Variants in AKT3 observed in about 807,000 individuals in gnomAD.
AKT3 encodes RAC-gamma serine/threonine-protein kinase.
A neutral mutation model predicts 65.3 loss-of-function variants in AKT3; 15 were observed. The observed-to-expected ratio is 0.23, with a 90% CI of 0.15 to 0.35. AKT3 has a LOEUF of 0.35. Ranked by LOEUF, AKT3 falls within the 10% of genes least tolerant of loss-of-function variation. The pLI is 1.00. For missense variants in AKT3, 243 were observed against 576.5 expected, an observed-to-expected ratio of 0.42 and a Z score of 5.92; for synonymous variants, 206 against 183.8, an observed-to-expected ratio of 1.12 and a Z score of -0.98.
At chr1:243,497,740 A>G (rs989784259), downstream of AKT3, among the ~76,000 whole-genome samples, 2 of 152,112 alleles carry the variant, frequency 1.3e-5, no homozygotes, top group African/African-American at 4.8e-5. Flanking sequence ...TGTGTTCTCT[A>G]CCCAAAATTC....
chr1:243,848,904 T>A (rs1443794310), intron 1 of AKT3, among the ~76,000 whole-genome samples: 1 of 152,254 alleles, frequency 6.6e-6, no homozygotes, highest in Non-Finnish European at 1.5e-5. Flanking sequence ...TTTATTTTCA[T>A]AACAACATTA....
At chr1:243,607,812 C>T (rs957306253) in intron 8 of AKT3, among the ~76,000 whole-genome samples, 58 of 152,026 alleles carry the variant, frequency 3.8e-4, no homozygotes, top group African/African-American at 1.2e-3. Context: ...GGCCCTGGTG[C>T]GTAATTTAAT....
At chr1:243,612,812 A>C (rs1273961352) in intron 8 of AKT3, 7 of 151,902 alleles carry the variant, frequency 4.6e-5, no homozygotes, top group African/African-American at 1.7e-4. Context: ...AGGCTGAGGC[A>C]GATGGATCAC....
chr1:243,744,688 G>A (rs1057389204), intron 2 of AKT3, among the ~76,000 whole-genome samples: 8 of 147,088 alleles, frequency 5.4e-5, no homozygotes, highest in Admixed American at 2.1e-4. Flanking sequence ...GCAGTGAGCC[G>A]AGATCGCGCC....
intron 9 of AKT3, among the ~76,000 whole-genome samples, chr1:243,566,510 A>G (rs1369667842): frequency 6.6e-6 from 1 of 152,190 alleles, no homozygotes; most frequent in African/African-American, 2.4e-5. Flanking sequence ...CTAAGGGATG[A>G]CTGAGAGAGA....
intron 13 of AKT3, among the ~76,000 whole-genome samples, chr1:243,493,474 T>C (rs1667068364): frequency 6.6e-6 from 1 of 152,140 alleles, no homozygotes; most frequent in South Asian, 2.1e-4. Context: ...ATTTTCTGTG[T>C]CTGCTTTCTT....
chr1:243,664,266 G>A (rs1485321203), intron 4 of AKT3, among the ~76,000 whole-genome samples: 4 of 138,352 alleles, frequency 2.9e-5, no homozygotes, highest in Admixed American at 7.8e-5. Context: ...GCGCAATCTC[G>A]GCTCACTGCA....
intron 8 of AKT3, among the ~76,000 whole-genome samples, chr1:243,578,636 A>T (rs747942831): frequency 2.6e-5 from 4 of 152,116 alleles, no homozygotes; most frequent in Non-Finnish European, 4.4e-5. Context: ...CATGGCACAC[A>T]TTTACCTATG....
chr1:243,838,334 A>C (rs1030833265), intron 2 of AKT3, among the ~76,000 whole-genome samples: 2 of 152,098 alleles, frequency 1.3e-5, no homozygotes, highest in Non-Finnish European at 2.9e-5. Flanking sequence ...GAGCTTCTCT[A>C]ATGTACCATG....
At chr1:243,635,134 T>C (rs1679884949) in intron 6 of AKT3, among the ~76,000 whole-genome samples, 2 of 151,784 alleles carry the variant, frequency 1.3e-5, no homozygotes, top group African/African-American at 4.8e-5. Flanking sequence ...AACTACAACA[T>C]GAAGTTAGAA....
chr1:243,640,514 CTT>C (rs773911873), intron 5 of AKT3, among the ~76,000 whole-genome samples: 5 of 152,196 alleles, frequency 3.3e-5, no homozygotes, highest in South Asian at 2.1e-4. Flanking sequence ...CGTTCTCTCT[CTT>C]GGAAAGCTCT....
intron 6 of AKT3, among the ~76,000 whole-genome samples, chr1:243,616,434 A>C (rs1678326262): frequency 6.6e-6 from 1 of 152,122 alleles, no homozygotes; most frequent in South Asian, 2.1e-4. Context: ...CATAAATCTC[A>C]TATTGATATC....
At chr1:243,523,270 C>A (rs1344806534) in intron 12 of AKT3, among the ~76,000 whole-genome samples, 2 of 148,668 alleles carry the variant, frequency 1.3e-5, no homozygotes, top group Non-Finnish European at 3.0e-5. Context: ...AACACACACA[C>A]ACACACACAC....
At chr1:243,828,607 C>G (rs1421253096) in intron 2 of AKT3, among the ~76,000 whole-genome samples, 1 of 152,132 alleles carries the variant, frequency 6.6e-6, no homozygotes, top group Admixed American at 6.5e-5. Context: ...GATCCACTTC[C>G]CCTTGATGAA....
downstream of AKT3, among the ~76,000 whole-genome samples, chr1:243,496,363 GCAGGGGCTGCCCTGGAGCTCTGTCAACT>G (rs1667887892): frequency 6.6e-6 from 1 of 152,222 alleles, no homozygotes; most frequent in South Asian, 2.1e-4. Context: ...ACCAAGCGAG[GCAGGGGCTGCCCTGGAGCTCTGTCAACT>G]CAGGGCCAGC....
Position 243,563,795 on chromosome 1 carries a change from T to A in AKT3, c.873A>T (p.Gly291=), listed in dbSNP as rs146644658. 1.9e-6 allele frequency: 3 copies of A among 1,613,020 alleles called. No homozygotes were observed. Among genetic ancestry groups the A allele is most frequent in the Non-Finnish European group, 2.5e-6 (3 of 1,179,604 alleles). The change falls in exon 10 of 14, where the codon GGA becomes GGT. Residue 291 remains glycine (G), a synonymous_variant. Transcript: ENST00000673466. The stretch of plus-strand genomic sequence containing the variant: ...CATCTGTGATCCCTTCTTTGCAAAG[T>A]CCAAAATCTGTAATTTTTATGTGGC... The part of the protein sequence containing the change: ...KDGHIKITDF[G]LCKEGITDAA...
In AKT3 at chr1:243,812,912, C is replaced by T. The variant is rs961870139; in HGVS notation, c.46+30213G>A. The stretch of plus-strand genomic sequence containing the variant: ...GAAACCATCATTCTCAGCAAACTAT[C>T]GCAAGCACAAAAAACCAAACATCGC... On this transcript the variant is annotated intron_variant, in intron 2 of 13. Transcript: ENST00000673466. Among the ~76,000 whole-genome samples the T allele has an allele frequency of 2.6e-5, 4 of 151,616 alleles. No individual in the cohort carries two copies. The South Asian group carries it at 6.2e-4, about 24-fold the overall frequency.
chr1:243,795,445 CCTT>C (rs1261383426), intron 2 of AKT3, among the ~76,000 whole-genome samples: 7 of 144,174 alleles, frequency 4.9e-5, no homozygotes, highest in Non-Finnish European at 1.0e-4. Context: ...CCCTTGATCT[CCTT>C]GTTTTTTTTT....
At chr1:243,553,340 T>C (rs754090235) in intron 10 of AKT3, among the ~76,000 whole-genome samples, 1 of 152,208 alleles carries the variant, frequency 6.6e-6, no homozygotes, top group South Asian at 2.1e-4. Context: ...GTGCTGATTA[T>C]AGAGCACATA....
Sources: allele counts gnomAD v4.1 joint callset (sites outside exome capture counted in the v4.1 genomes callset), GRCh38; gene constraint gnomAD v4.1.1; transcripts MANE v1.5; gene names NCBI Gene and HGNC (gene_info 2026-07-23, HGNC 2026-07-21).